Variants in DNAJC3 observed in about 807,000 individuals in gnomAD.
The protein encoded by DNAJC3 is dnaJ homolog subfamily C member 3.
A neutral mutation model predicts 68.6 loss-of-function variants in DNAJC3; 38 were observed. The ratio of observed to expected loss-of-function variants is 0.55; its 90% CI spans 0.43 to 0.73. The LOEUF is 0.73. Among genes scored for constraint, DNAJC3 ranks in the 30% least tolerant of loss-of-function variants. The pLI is 0.00. For synonymous variants in DNAJC3, 203 were observed against 204.0 expected (o/e 1.00, Z 0.04); for missense variants, 526 against 591.9 (o/e 0.89, Z 1.16).
chr13:95,704,025 G>T (rs77644194), intron 1 of DNAJC3, among the ~76,000 whole-genome samples: 7,274 of 152,206 alleles, frequency 0.048, 285 homozygotes, highest in Admixed American at 0.13. Flanking sequence ...TAGCACACTT[G>T]TTTGCCCTTG....
At chr13:95,749,222 T>C (rs1229644650) in intron 4 of DNAJC3, among the ~76,000 whole-genome samples, 1 of 152,230 alleles carries the variant, frequency 6.6e-6, no homozygotes, top group Non-Finnish European at 1.5e-5. Context: ...TTCTTGAAGA[T>C]TTTAAGTGGA....
At chr13:95,737,244 T>C (rs1483813526) in intron 4 of DNAJC3, among the ~76,000 whole-genome samples, 2 of 152,182 alleles carry the variant, frequency 1.3e-5, no homozygotes, top group African/African-American at 4.8e-5. Flanking sequence ...TGAGGATTTT[T>C]GCATCAATGT....
At chr13:95,758,065 T>G (rs564203134) in intron 5 of DNAJC3, among the ~76,000 whole-genome samples, 1 of 152,288 alleles carries the variant, frequency 6.6e-6, no homozygotes, top group South Asian at 2.1e-4. Flanking sequence ...TGTATTTTTT[T>G]GGGAAGAAAA....
Position 95,723,247 on chromosome 13 carries a change from G to A in DNAJC3, c.199G>A (p.Asp67Asn). 1 of 1,584,746 alleles carries A rather than the reference G, an allele frequency of 6.3e-7. No homozygotes were observed. Among genetic ancestry groups the A allele is most frequent in the Non-Finnish European group, 8.6e-7 (1 of 1,164,178 alleles). ...LSQFHAAVDG[D>N]PDNYIAYYRR... ...AATATTATTTTAATTTTCAGATGGT[G>A]ACCCTGATAACTATATTGCTTATTA... The change falls in exon 3 of 12, where the codon GAC becomes AAC. Residue 67 changes from aspartate to asparagine, a missense_variant. Coordinates refer to ENST00000602402, the MANE Select transcript of DNAJC3 (RefSeq NM_006260.5).
At chr13:95,707,841 A>G (rs908539545) in intron 1 of DNAJC3, among the ~76,000 whole-genome samples, 4 of 152,206 alleles carry the variant, frequency 2.6e-5, no homozygotes, top group African/African-American at 9.6e-5. Flanking sequence ...TGGAGAAGGT[A>G]TAGCTGTAGC....
intron 1 of DNAJC3, among the ~76,000 whole-genome samples, chr13:95,688,927 G>GGT (rs57546561): frequency 0.021 from 2,768 of 129,698 alleles, 51 homozygotes; most frequent in Non-Finnish European, 0.021. Context: ...TGATTGTGTG[G>GGT]GTGTGTGTGT....
At chr13:95,687,330 A>T (rs1326181335) in intron 1 of DNAJC3, among the ~76,000 whole-genome samples, 1 of 151,922 alleles carries the variant, frequency 6.6e-6, no homozygotes, top group Non-Finnish European at 1.5e-5. Context: ...ACATAATTTG[A>T]CCTCCTCTTG....
chr13:95,706,447 G>T (rs1880751640), intron 1 of DNAJC3, among the ~76,000 whole-genome samples: 1 of 152,212 alleles, frequency 6.6e-6, no homozygotes, highest in African/African-American at 2.4e-5. Context: ...TGTTCTGTGG[G>T]ATTGTGCTAG....
intron 11 of DNAJC3, among the ~76,000 whole-genome samples, chr13:95,790,273 A>G (rs898543189): frequency 7.2e-5 from 11 of 152,102 alleles, no homozygotes; most frequent in African/African-American, 9.7e-5. Flanking sequence ...TATCCCTGCA[A>G]TATTCCTCTT....
At chr13:95,787,298 C>G in intron 11 of DNAJC3, 143 bp downstream of exon 11, 1 of 997,316 alleles carries the variant, frequency 1.0e-6, no homozygotes, top group African/African-American at 1.6e-5. Context: ...TTTATGCCTG[C>G]CCTCATTCAG....
chr13:95,729,238 CCCTCCCACTCCCTCTCCG>C, intron 4 of DNAJC3, among the ~76,000 whole-genome samples: 2 of 115,662 alleles, frequency 1.7e-5, no homozygotes, highest in Non-Finnish European at 3.7e-5. Flanking sequence ...CTCCCTCTCC[CCCTCCCACTCCCTCTCCG>C]CCTCCCTCTC....
intron 4 of DNAJC3, among the ~76,000 whole-genome samples, chr13:95,737,914 T>C (rs1239148371): frequency 2.6e-4 from 27 of 102,310 alleles, no homozygotes; most frequent in East Asian, 1.1e-3. Flanking sequence ...ATTGTGATGT[T>C]AGGGTGTCAA....
intron 2 of DNAJC3, among the ~76,000 whole-genome samples, chr13:95,722,397 A>G (rs766602478): frequency 6.6e-6 from 1 of 152,168 alleles, no homozygotes; most frequent in Admixed American, 6.5e-5. Flanking sequence ...AACCCTGGAC[A>G]CCAATGTGCA....
chr13:95,710,618 G>A lies in DNAJC3; in HGVS notation c.193+1281G>A, dbSNP rs543097430. On this transcript the variant is annotated intron_variant, in intron 2 of 11. Coordinates refer to ENST00000602402, the MANE Select transcript of DNAJC3 (RefSeq NM_006260.5). ...TTCTTTACTTATATATTTTTACCTTGATTTGAATGGTTGAGAGTGTGTAGT... is the reference window on the plus strand; with the variant it reads ...TTCTTTACTTATATATTTTTACCTTAATTTGAATGGTTGAGAGTGTGTAGT... Among the ~76,000 whole-genome samples the A allele has an allele frequency of 3.1e-4, 47 of 152,216 alleles. 1 individual carries two copies. The highest frequency in any genetic ancestry group is 3.0e-3 in the Admixed American group (46 of 15,286).
chr13:95,775,279 A>G (rs1290353085), intron 9 of DNAJC3, among the ~76,000 whole-genome samples: 1 of 152,252 alleles, frequency 6.6e-6, no homozygotes, highest in African/African-American at 2.4e-5. Context: ...GTTTCTAATT[A>G]TTAGTTACCA....
At chr13:95,739,014 G>A (rs1882031461) in intron 4 of DNAJC3, among the ~76,000 whole-genome samples, 1 of 152,008 alleles carries the variant, frequency 6.6e-6, no homozygotes, top group South Asian at 2.1e-4. Context: ...TGTAGGGCAG[G>A]CCTGGTGGTG....
chr13:95,794,686 C>T lies in DNAJC3; in HGVS notation c.*3656C>T, dbSNP rs1302739170. The T allele has an allele frequency of 6.6e-6, 1 of 152,152 alleles. No individual in the cohort carries two copies. Among genetic ancestry groups the T allele is most frequent in the Non-Finnish European group, 1.5e-5 (1 of 68,030 alleles). 9.4% of individuals were successfully genotyped at this position (152,152 alleles called of 1,614,324 possible). A position where few individuals can be genotyped will look rare whatever the true frequency, so the allele number is the denominator to read the frequency against. On this transcript the variant is annotated 3_prime_UTR_variant, in exon 12 of 12. Transcript: ENST00000602402. ...AAGAGTAAAATTAGCCACTGCGTGG[C>T]TTTGTGTATAGTAACCGGTTTTGTT...
intron 1 of DNAJC3, among the ~76,000 whole-genome samples, chr13:95,690,022 G>A (rs866210547): frequency 2.7e-5 from 4 of 150,890 alleles, no homozygotes; most frequent in Middle Eastern, 3.4e-3. Flanking sequence ...ATTCTTGGGT[G>A]TTTCTCGCAG....
chr13:95,739,469 C>T lies in DNAJC3; in HGVS notation c.393+14217C>T, dbSNP rs1438533233. Among the ~76,000 whole-genome samples, 8 of 150,526 alleles carry T rather than the reference C, an allele frequency of 5.3e-5. No homozygotes were observed. In the East Asian group the frequency reaches 5.9e-4, roughly 11 times the overall value. ...ATCACTTTCAGGTACACCAGTCAGA[C>T]GTAGATTTGGTCTTTTCACATAGTC... On this transcript the variant is annotated intron_variant, in intron 4 of 11. Transcript: ENST00000602402.
Sources: allele counts gnomAD v4.1 joint callset (sites outside exome capture counted in the v4.1 genomes callset), GRCh38; gene constraint gnomAD v4.1.1; transcripts MANE v1.5; gene names NCBI Gene and HGNC (gene_info 2026-07-23, HGNC 2026-07-21).